Variants in TBPL1 observed in about 807,000 individuals in gnomAD.
The protein encoded by TBPL1 is TATA-box binding protein like 1.
A neutral mutation model predicts 22.1 loss-of-function variants in TBPL1; 4 were observed. That is an observed-to-expected ratio of 0.18 (90% confidence interval 0.09 to 0.41). The LOEUF is 0.41. Among genes scored for constraint, TBPL1 ranks in the 10% least tolerant of loss-of-function variants. The pLI, the probability that TBPL1 is intolerant of heterozygous loss-of-function variation, is 1.00. For synonymous variants in TBPL1, 64 were observed against 71.0 expected, an observed-to-expected ratio of 0.90 and a Z score of 0.50; for missense variants, 115 against 222.3, an observed-to-expected ratio of 0.52 and a Z score of 3.07.
intron 4 of TBPL1, among the ~76,000 whole-genome samples, chr6:133,983,701 A>G (rs756198091): frequency 3.3e-5 from 5 of 152,168 alleles, no homozygotes; most frequent in Non-Finnish European, 7.4e-5. Context: ...CTCACCCAAA[A>G]TTGTGGTTTT....
chr6:133,963,801 C>T (rs1211946921), intron 1 of TBPL1, among the ~76,000 whole-genome samples: 2 of 150,852 alleles, frequency 1.3e-5, no homozygotes, highest in East Asian at 4.0e-4. Flanking sequence ...GAGGCTGAGG[C>T]GGGCGGATCA....
At chr6:133,963,026 G>A (rs1286194713) in intron 1 of TBPL1, among the ~76,000 whole-genome samples, 2 of 152,206 alleles carry the variant, frequency 1.3e-5, no homozygotes, top group African/African-American at 4.8e-5. Flanking sequence ...CTCTAGAGTA[G>A]GAGGGAGTTT....
At chr6:133,953,498 C>T (rs74786543) in intron 1 of TBPL1, 73 bp downstream of exon 1, 5,667 of 151,196 alleles carry the variant, frequency 0.037, 342 homozygotes, top group African/African-American at 0.13. Flanking sequence ...TGCGGGGCGT[C>T]TGGGCGCGGG....
intron 4 of TBPL1, among the ~76,000 whole-genome samples, chr6:133,983,998 A>C (rs1469020011): frequency 6.6e-6 from 1 of 152,174 alleles, no homozygotes; most frequent in South Asian, 2.1e-4. Context: ...TACTGACTTT[A>C]AAGTGACATC....
intron 1 of TBPL1, among the ~76,000 whole-genome samples, chr6:133,972,631 C>T (rs537631343): frequency 1.3e-5 from 2 of 152,168 alleles, no homozygotes; most frequent in East Asian, 3.9e-4. Context: ...AGGCACTGGC[C>T]CATTGGCTGT....
rs184526218 is a variant in TBPL1, at chr6:133,956,402, T to C, written c.-45+2977T>C. Among the ~76,000 whole-genome samples, 52 of 152,334 alleles carry C rather than the reference T, an allele frequency of 3.4e-4. No individual in the cohort carries two copies. In the East Asian group the frequency reaches 8.7e-3, roughly 25 times the overall value. On this transcript the variant is annotated intron_variant, in intron 1 of 6. Transcript: ENST00000237264. ...CCTTCAGGTGCTTTTTGTGCACTTG[T>C]AGGTAGCAGAGAAATGACATGTGTG...
intron 4 of TBPL1, among the ~76,000 whole-genome samples, chr6:133,983,646 C>A (rs1776455304): frequency 6.6e-6 from 1 of 152,082 alleles, no homozygotes; most frequent in African/African-American, 2.4e-5. Context: ...GGTTTCCTGG[C>A]TTTGCGCAAC....
At chr6:133,980,646 A>T (rs1489506393) in intron 2 of TBPL1, among the ~76,000 whole-genome samples, 1 of 151,594 alleles carries the variant, frequency 6.6e-6, no homozygotes, top group Non-Finnish European at 1.5e-5. Context: ...ATATTCTTTA[A>T]CAAAGGTAGA....
chr6:133,969,005 C>T (rs996732983), intron 1 of TBPL1: 6 of 152,046 alleles, frequency 3.9e-5, no homozygotes, highest in Non-Finnish European at 7.4e-5. Context: ...TAGTATTCGT[C>T]GAAACAGTGA....
chr6:133,967,306 A>T (rs546676799), intron 1 of TBPL1, among the ~76,000 whole-genome samples: 1 of 152,350 alleles, frequency 6.6e-6, no homozygotes, highest in South Asian at 2.1e-4. Flanking sequence ...AAGTGGGCAT[A>T]AATCATTTTC....
intron 1 of TBPL1, among the ~76,000 whole-genome samples, chr6:133,967,068 T>A (rs1020077551): frequency 6.6e-6 from 1 of 152,224 alleles, no homozygotes; most frequent in East Asian, 1.9e-4. Context: ...TTATGCCACT[T>A]TCCTTTTCAC....
intron 1 of TBPL1, chr6:133,968,735 A>G (rs1280141646): frequency 1.3e-5 from 2 of 152,240 alleles, no homozygotes; most frequent in African/African-American, 4.8e-5. Flanking sequence ...CAGTGGCACA[A>G]TCTCTGCTCA....
chr6:133,970,980 G>T (rs1320495860), intron 1 of TBPL1, among the ~76,000 whole-genome samples: 1 of 152,044 alleles, frequency 6.6e-6, no homozygotes. Flanking sequence ...GCTATTTTAT[G>T]ATATACTTTA....
intron 1 of TBPL1, among the ~76,000 whole-genome samples, chr6:133,953,783 C>G (rs1341483556): frequency 6.6e-6 from 1 of 152,054 alleles, no homozygotes; most frequent in South Asian, 2.1e-4. Context: ...AAAGAGATTC[C>G]TCATCTGTCT....
intron 1 of TBPL1, chr6:133,968,874 T>G (rs560695428): frequency 1.3e-5 from 2 of 152,224 alleles, no homozygotes; most frequent in Non-Finnish European, 2.9e-5. Context: ...TTCACCAGGC[T>G]GGTCTCCAAC....
intron 6 of TBPL1, among the ~76,000 whole-genome samples, chr6:133,985,277 A>T (rs1199196269): frequency 8.3e-5 from 2 of 23,970 alleles, no homozygotes; most frequent in East Asian, 5.8e-4. Context: ...GACTCTGTCT[A>T]AAAAAAAAAA....
chr6:133,987,902 T>C lies in TBPL1; in HGVS notation c.*862T>C, dbSNP rs528250384. The C allele has an allele frequency of 1.3e-5, 2 of 152,370 alleles. No individual in the cohort carries two copies. The highest frequency in any genetic ancestry group is 6.6e-5 in the Admixed American group (1 of 15,242). The allele number at this position is 152,370 out of a possible 1,614,324, so 9.4% of individuals were successfully genotyped here. On this transcript the variant is annotated 3_prime_UTR_variant, in exon 7 of 7. Transcript: ENST00000237264. ...GAAGAGAAACCTCTTACCCACTAGA[T>C]GGAAATGAGAAAGAAGCTGTGATGA...
chr6:133,972,370 C>G (rs2114358168), intron 1 of TBPL1, among the ~76,000 whole-genome samples: 2 of 152,276 alleles, frequency 1.3e-5, no homozygotes, highest in South Asian at 4.2e-4. Context: ...AATCAAGGAC[C>G]ATGTTATACA....
chr6:133,952,206 T>G (rs908759270), upstream of TBPL1: 3 of 152,250 alleles, frequency 2.0e-5, no homozygotes, highest in Non-Finnish European at 4.4e-5. This position sits in a 1 kb window ranked among gnomAD's most constrained non-coding sequence, Gnocchi z 4.5. Flanking sequence ...GGGCAGCGCC[T>G]CTCAGGCCAC....
Sources: gnomAD v4.1 joint callset for allele counts (sites outside exome capture counted in the v4.1 genomes callset) on GRCh38, gnomAD v4.1.1 for gene constraint, Gnocchi (gnomAD v3.1) non-coding constraint, MANE v1.5 for transcripts, NCBI Gene and HGNC (gene_info 2026-07-23, HGNC 2026-07-21) for gene names.